Variants in TMEM163 observed in about 807,000 individuals in gnomAD.
TMEM163 encodes the protein transmembrane protein 163.
A neutral mutation model predicts 29.3 loss-of-function variants in TMEM163; 17 were observed. The observed-to-expected ratio is 0.58, with a 90% CI of 0.40 to 0.87. TMEM163 has a LOEUF of 0.87. Ranked by LOEUF, TMEM163 falls within the 40% of genes least tolerant of loss-of-function variation. The pLI is 0.00. For synonymous variants in TMEM163, 157 were observed against 160.6 expected, an observed-to-expected ratio of 0.98 and a Z score of 0.17; for missense variants, 303 against 381.5, an observed-to-expected ratio of 0.79 and a Z score of 1.71.
intron 2 of TMEM163, among the ~76,000 whole-genome samples, chr2:134,660,896 T>G (rs960271374): frequency 6.6e-6 from 1 of 151,078 alleles, no homozygotes; most frequent in African/African-American, 2.4e-5. Context: ...AGGTTTCACT[T>G]TGCTATGGTT....
intron 5 of TMEM163, among the ~76,000 whole-genome samples, chr2:134,470,298 A>G (rs996651246): frequency 5.3e-5 from 8 of 150,500 alleles, no homozygotes; most frequent in African/African-American, 2.0e-4. Flanking sequence ...TGGAGCTTGC[A>G]GTGAGCTGAG....
In TMEM163 at chr2:134,654,119, G is replaced by T. The variant is rs544767144; in HGVS notation, c.322+59081C>A. On this transcript the variant is annotated intron_variant, in intron 2 of 7. Coordinates refer to ENST00000281924, the MANE Select transcript of TMEM163 (RefSeq NM_030923.5). ...GGTATCCTTGTTGACTTTCTGTCTC[G>T]TTGATCTGTCTAATGTTGACAGTGG... 3.2e-5 allele frequency among the ~76,000 whole-genome samples: 3 copies of T among 95,000 alleles called. 1 individual carries two copies. Among genetic ancestry groups the T allele is most frequent in the East Asian group, 2.1e-4 (1 of 4,660 alleles). 62.3% of individuals were successfully genotyped at this position (95,000 alleles called of 152,430 possible). A position where few individuals can be genotyped will look rare whatever the true frequency, so the allele number is the denominator to read the frequency against.
chr2:134,512,414 G>C (rs1679970350), intron 4 of TMEM163, among the ~76,000 whole-genome samples: 1 of 152,162 alleles, frequency 6.6e-6, no homozygotes. Context: ...AGCTGAGACT[G>C]CACCCCTGCA....
At chr2:134,530,242 A>AG (rs1680389894) in intron 4 of TMEM163, among the ~76,000 whole-genome samples, 1 of 152,132 alleles carries the variant, frequency 6.6e-6, no homozygotes, top group African/African-American at 2.4e-5. Context: ...AGGCAGTTAG[A>AG]GAAAAAAAAT....
At chr2:134,626,123 G>A (rs537332766) in intron 2 of TMEM163, among the ~76,000 whole-genome samples, 943 of 26,456 alleles carry the variant, frequency 0.036, 9 homozygotes, top group Non-Finnish European at 0.051. Flanking sequence ...TTTTTTTTTT[G>A]ACACAGAGTC....
At chr2:134,615,841 G>C (rs1682599167) in intron 2 of TMEM163, among the ~76,000 whole-genome samples, 1 of 152,014 alleles carries the variant, frequency 6.6e-6, no homozygotes, top group Non-Finnish European at 1.5e-5. Context: ...ATTTTTAGTA[G>C]AGATGGGGTT....
At chr2:134,477,882 G>A (rs1299160406) in intron 5 of TMEM163, among the ~76,000 whole-genome samples, 1 of 152,206 alleles carries the variant, frequency 6.6e-6, no homozygotes, top group Admixed American at 6.5e-5. Context: ...TGGTTTGGAT[G>A]TTTGTCCTCT....
At chr2:134,699,923 A>G (rs1684661562) in intron 2 of TMEM163, among the ~76,000 whole-genome samples, 1 of 152,224 alleles carries the variant, frequency 6.6e-6, no homozygotes, top group African/African-American at 2.4e-5. Flanking sequence ...TTAAATAGCT[A>G]CATCAACTTT....
At chr2:134,529,322 C>G (rs1399864361) in intron 4 of TMEM163, among the ~76,000 whole-genome samples, 3 of 152,028 alleles carry the variant, frequency 2.0e-5, no homozygotes, top group African/African-American at 7.2e-5. Flanking sequence ...CAGAGTCTCG[C>G]TCTGTCTCAA....
At chr2:134,496,764 G>A (rs1383700009) in intron 5 of TMEM163, among the ~76,000 whole-genome samples, 1 of 152,284 alleles carries the variant, frequency 6.6e-6, no homozygotes, top group South Asian at 2.1e-4. Flanking sequence ...ACAAAATTTT[G>A]CTAAGCATCA....
At chr2:134,520,292 C>T (rs1195631257) in intron 4 of TMEM163, among the ~76,000 whole-genome samples, 2 of 152,204 alleles carry the variant, frequency 1.3e-5, no homozygotes, top group African/African-American at 4.8e-5. Context: ...CCATGAAGTC[C>T]ACCGCAATGC....
chr2:134,688,883 G>A (rs544227746), intron 2 of TMEM163, among the ~76,000 whole-genome samples: 5 of 152,228 alleles, frequency 3.3e-5, no homozygotes, highest in East Asian at 1.9e-4. Flanking sequence ...TACATGAAAC[G>A]TGGCTAAGTG....
chr2:134,572,788 T>C (rs1033425921), intron 2 of TMEM163, among the ~76,000 whole-genome samples: 1 of 152,202 alleles, frequency 6.6e-6, no homozygotes, highest in Non-Finnish European at 1.5e-5. Flanking sequence ...TGAGCTCCAC[T>C]TCATGACCTC....
At chr2:134,712,135 G>A (rs1291882667) in intron 2 of TMEM163, among the ~76,000 whole-genome samples, 3 of 152,216 alleles carry the variant, frequency 2.0e-5, no homozygotes, top group Non-Finnish European at 2.9e-5. Context: ...ACTTCTAAAT[G>A]TTTGGCTGTT....
At chr2:134,605,601 G>C (rs1682336070) in intron 2 of TMEM163, among the ~76,000 whole-genome samples, 1 of 152,024 alleles carries the variant, frequency 6.6e-6, no homozygotes, top group African/African-American at 2.4e-5. Flanking sequence ...AGGAGGCTGA[G>C]GCAGAAGAAT....
At chr2:134,709,878 A>C (rs1380689395) in intron 2 of TMEM163, among the ~76,000 whole-genome samples, 1 of 152,246 alleles carries the variant, frequency 6.6e-6, no homozygotes, top group African/African-American at 2.4e-5. Context: ...TGGAGGCTTC[A>C]TCTGCATGAT....
chr2:134,525,589 C>A (rs927716542), intron 4 of TMEM163, among the ~76,000 whole-genome samples: 1 of 152,160 alleles, frequency 6.6e-6, no homozygotes. Flanking sequence ...ATGAAGTAGA[C>A]ATTTTGCTTT....
At chr2:134,498,575 G>A (rs1242019988) in intron 5 of TMEM163, among the ~76,000 whole-genome samples, 3 of 152,016 alleles carry the variant, frequency 2.0e-5, no homozygotes, top group Non-Finnish European at 2.9e-5. Context: ...TAGGTGATCC[G>A]CCTGTCTCGG....
chr2:134,697,662 G>A (rs1350022724), intron 2 of TMEM163, among the ~76,000 whole-genome samples: 3 of 151,776 alleles, frequency 2.0e-5, no homozygotes, highest in Admixed American at 6.6e-5. Context: ...ACGGGGTTTC[G>A]CCATGTTGGC....
Sources: allele counts gnomAD v4.1 joint callset (sites outside exome capture counted in the v4.1 genomes callset), GRCh38; gene constraint gnomAD v4.1.1; transcripts MANE v1.5; gene names NCBI Gene and HGNC (gene_info 2026-07-23, HGNC 2026-07-21).